The following KIF13B variants were observed in gnomAD, a reference collection of about 807,000 sequenced individuals.
KIF13B encodes the protein kinesin-like protein KIF13B.
A neutral mutation model predicts 222.0 loss-of-function variants in KIF13B; 127 were observed. The ratio of observed to expected loss-of-function variants is 0.57; its 90% CI spans 0.50 to 0.66. The LOEUF is 0.66. KIF13B is among the 30% of genes least tolerant of loss of function. KIF13B has a pLI of 0.00. For missense variants in KIF13B, 2,173 were observed against 2,379.0 expected (o/e 0.91, Z 1.80); for synonymous variants, 976 against 919.0 (o/e 1.06, Z -1.12).
chr8:29,131,985 G>A (rs1468106036), intron 23 of KIF13B, among the ~76,000 whole-genome samples: 3 of 152,134 alleles, frequency 2.0e-5, no homozygotes, highest in East Asian at 1.9e-4. Context: ...GGTGGCTCAC[G>A]CCTGTAATCT....
At chr8:29,073,404 T>C (rs921877809) in intron 38 of KIF13B, among the ~76,000 whole-genome samples, 17 of 151,988 alleles carry the variant, frequency 1.1e-4, no homozygotes, top group South Asian at 2.1e-4. Flanking sequence ...CCACATCTCA[T>C]GGGGGAGAGC....
At chr8:29,192,551 A>G (rs930913933) in intron 3 of KIF13B, among the ~76,000 whole-genome samples, 2 of 152,166 alleles carry the variant, frequency 1.3e-5, no homozygotes, top group Non-Finnish European at 2.9e-5. Flanking sequence ...TGCCCAGTCT[A>G]AATTTGTTTT....
chr8:29,164,210 G>C (rs936025899), intron 12 of KIF13B, among the ~76,000 whole-genome samples: 3 of 152,154 alleles, frequency 2.0e-5, no homozygotes, highest in African/African-American at 4.8e-5. Context: ...TCCACTTTAT[G>C]CTAAGTAACA....
rs1051300858 is a variant in KIF13B, at chr8:29,144,077, T to C, written c.2188-1774A>G. The stretch of plus-strand genomic sequence containing the variant: ...CCTATACATTTCCCCGAGGGAGACA[T>C]ATCTACTGGTTATCTAATCAATTTA... On this transcript the variant is annotated intron_variant, in intron 18 of 39. Coordinates refer to ENST00000524189, the MANE Select transcript of KIF13B (RefSeq NM_015254.4). Among the ~76,000 whole-genome samples the C allele has an allele frequency of 2.0e-5, 3 of 151,184 alleles. No homozygotes were observed. The East Asian group carries it at 5.8e-4, about 29-fold the overall frequency.
At chr8:29,244,007 G>A (rs1815904280) in intron 2 of KIF13B, among the ~76,000 whole-genome samples, 1 of 152,078 alleles carries the variant, frequency 6.6e-6, no homozygotes, top group Non-Finnish European at 1.5e-5. Context: ...TCCAAATCCA[G>A]GGCTCTTTTC....
intron 10 of KIF13B, among the ~76,000 whole-genome samples, chr8:29,171,675 C>T (rs1310475936): frequency 4.9e-5 from 6 of 121,328 alleles, no homozygotes; most frequent in East Asian, 2.2e-4. Flanking sequence ...ACATGTTTTG[C>T]GAAAAAAAAA....
At chr8:29,228,435 C>T (rs1338996756) in intron 2 of KIF13B, among the ~76,000 whole-genome samples, 1 of 135,582 alleles carries the variant, frequency 7.4e-6, no homozygotes, top group Non-Finnish European at 1.6e-5. Context: ...CCACTGCACT[C>T]CAGCCTGGGT....
At position 29,109,501 on chromosome 8, in the gene KIF13B, A is replaced by G. The variant is rs1437997799; in HGVS notation, c.4094T>C (p.Val1365Ala). 9.3e-6 allele frequency: 15 copies of G among 1,613,600 alleles called. No individual in the cohort carries two copies. Among genetic ancestry groups the G allele is most frequent in the Non-Finnish European group, 1.3e-5 (15 of 1,179,614 alleles). Residue 1365 changes from valine to alanine, a missense_variant, in exon 34 of 40, where the codon GTG (valine) becomes GCG (alanine). Physicochemically the swap from Val to Ala is moderately conservative, Grantham distance 64. Around this residue, in one of 2 missense-constraint regions of KIF13B, gnomAD observed 1,480 missense variants for 1,722.8 expected, o/e 0.86. Coordinates refer to ENST00000524189, the MANE Select transcript of KIF13B (RefSeq NM_015254.4). ...TCCTTTTCCTGTTAACTGTTCCTTCACTGCAACTTCCTGTGAATCAGAAAA... is the reference window on the plus strand; with the variant it reads ...TCCTTTTCCTGTTAACTGTTCCTTCGCTGCAACTTCCTGTGAATCAGAAAA... ...TLDRLRQEVA[V>A]KEQLTGKGKL...
rs1462550226 is a variant in KIF13B at position 29,110,048 on chromosome 8, C to T, written c.3953G>A (p.Arg1318Gln). 6.4e-7 allele frequency: 1 copy of T among 1,565,738 alleles called. No homozygotes were observed. The highest frequency in any genetic ancestry group is 1.4e-5 in the African/African-American group (1 of 73,646). ...GGCTGCCATTCTTGCTAATGCTTCCCGTTCTTCCACTCCCTGGGCATCCTG... is the reference window on the plus strand; with the variant it reads ...GGCTGCCATTCTTGCTAATGCTTCCTGTTCTTCCACTCCCTGGGCATCCTG... Reference protein sequence around the residue: ...IPEDAQGVEEREALARMAANV... With the variant: ...IPEDAQGVEEQEALARMAANV... Residue 1318 changes from arginine to glutamine, a missense_variant, in exon 33 of 40, where the codon CGG becomes CAG. Physicochemically the swap from Arg to Gln is conservative, Grantham distance 43. This residue lies in a region of KIF13B where 1,480 missense variants were observed against 1,722.8 expected (regional missense o/e 0.86). Coordinates refer to ENST00000524189, the MANE Select transcript of KIF13B (RefSeq NM_015254.4).
chr8:29,206,671 G>A (rs1813957738), intron 2 of KIF13B, among the ~76,000 whole-genome samples: 1 of 152,136 alleles, frequency 6.6e-6, no homozygotes, highest in Non-Finnish European at 1.5e-5. Flanking sequence ...AGTCTGCCGT[G>A]CCAAGCACTA....
chr8:29,172,010 G>A (rs1212767640), intron 10 of KIF13B, among the ~76,000 whole-genome samples: 3 of 150,726 alleles, frequency 2.0e-5, no homozygotes, highest in South Asian at 2.1e-4. Context: ...TGTCCACCTC[G>A]GCCCCCCAAA....
chr8:29,134,215 A>C lies in KIF13B; in HGVS notation c.2614-5T>G. On this transcript the variant is annotated splice_region_variant and splice_polypyrimidine_tract_variant and intron_variant, in intron 21 of 39. Transcript: ENST00000524189. ...AGTAGCTTGCAGGATTTTAACCTGA[A>C]GGAAAAAGAAGGCTCTGTGTTTTGA... 3.1e-6 allele frequency: 5 copies of C among 1,612,276 alleles called. No individual in the cohort carries two copies. The highest frequency in any genetic ancestry group is 4.2e-6 in the Non-Finnish European group (5 of 1,179,224).
At chr8:29,121,794 C>T (rs1486569385) in intron 29 of KIF13B, among the ~76,000 whole-genome samples, 10 of 150,632 alleles carry the variant, frequency 6.6e-5, no homozygotes, top group South Asian at 2.1e-4. Flanking sequence ...AGAAAATTTT[C>T]GCAGTTTTTT....
chr8:29,179,917 A>AC (rs1812640570), intron 8 of KIF13B, among the ~76,000 whole-genome samples, 187 bp downstream of exon 8: 1 of 152,128 alleles, frequency 6.6e-6, no homozygotes, highest in Non-Finnish European at 1.5e-5. Flanking sequence ...ACAACCCTGG[A>AC]ATGACCTGCT....
intron 9 of KIF13B, among the ~76,000 whole-genome samples, chr8:29,176,705 C>T (rs780224917): frequency 1.1e-4 from 16 of 152,118 alleles, no homozygotes; most frequent in Admixed American, 2.0e-4. Flanking sequence ...AATATTACTT[C>T]GTATTATTCG....
At chr8:29,176,917 G>T (rs1442534308) in intron 9 of KIF13B, among the ~76,000 whole-genome samples, 2 of 152,192 alleles carry the variant, frequency 1.3e-5, no homozygotes, top group Non-Finnish European at 2.9e-5. Flanking sequence ...ACTTGGACAA[G>T]CATGACAGTG....
intron 35 of KIF13B, among the ~76,000 whole-genome samples, chr8:29,099,807 G>A (rs892521786): frequency 3.4e-5 from 4 of 117,346 alleles, no homozygotes; most frequent in Non-Finnish European, 5.7e-5. Context: ...GTCCTAACAT[G>A]TTTTCTACTC....
intron 3 of KIF13B, among the ~76,000 whole-genome samples, chr8:29,192,581 C>A (rs562459018): frequency 6.6e-6 from 1 of 152,118 alleles, no homozygotes; most frequent in Non-Finnish European, 1.5e-5. Flanking sequence ...TTACATGATT[C>A]GCACATTCTA....
rs772886058 is a variant in KIF13B at position 29,070,641 on chromosome 8, G to A, written c.5344C>T (p.Arg1782Trp). 1.3e-5 allele frequency: 20 copies of A among 1,568,036 alleles called. No individual in the cohort carries two copies. Among genetic ancestry groups the A allele is most frequent in the South Asian group, 9.3e-5 (8 of 86,132 alleles). The change falls in exon 40 of 40, where the codon CGG becomes TGG. Residue 1782 changes from arginine to tryptophan, a missense_variant. Arg to Trp is a moderately radical substitution (Grantham distance 101). This residue lies in a region of KIF13B where 693 missense variants were observed against 656.2 expected (regional missense o/e 1.06). Transcript: ENST00000524189. This position sits in a 1 kb window ranked among gnomAD's most constrained non-coding sequence, Gnocchi z 4.1. ...GPVRRRSTGL[R>W]LGAPEARRSA... ...CGGCGGGCCTCGGGGGCACCCAGCC[G>A]GAGTCCTGTGCTGCGCCGCCGCACA...
Sources: gnomAD v4.1 joint callset for allele counts (sites outside exome capture counted in the v4.1 genomes callset) on GRCh38, gnomAD v4.1.1 for gene constraint, gnomAD v4.1.1 regional missense constraint, Gnocchi (gnomAD v3.1) non-coding constraint, MANE v1.5 for transcripts, NCBI Gene and HGNC (gene_info 2026-07-23, HGNC 2026-07-21) for gene names.